Variants in THSD7A observed in about 807,000 individuals in gnomAD.
THSD7A encodes thrombospondin type 1 domain containing 7A, also known as thrombospondin type-1 domain-containing protein 7A.
Under a neutral mutation model 231.3 loss-of-function variants are expected in THSD7A, and 96 were observed. The observed-to-expected ratio is 0.41, with a 90% CI of 0.35 to 0.49. THSD7A has a LOEUF of 0.49. Among genes scored for constraint, THSD7A ranks in the 20% least tolerant of loss-of-function variants. THSD7A has a pLI of 0.05. For synonymous variants in THSD7A, 940 were observed against 743.3 expected, an observed-to-expected ratio of 1.26 and a Z score of -4.30; for missense variants, 2,290 against 2,070.2, an observed-to-expected ratio of 1.11 and a Z score of -2.06.
chr7:11,560,191 A>T (rs557967591), intron 4 of THSD7A, among the ~76,000 whole-genome samples: 1 of 152,326 alleles, frequency 6.6e-6, no homozygotes, highest in South Asian at 2.1e-4. Context: ...CCATTCATAT[A>T]AAGCTTTATT....
intron 6 of THSD7A, among the ~76,000 whole-genome samples, chr7:11,492,544 G>C (rs1786940245): frequency 6.6e-6 from 1 of 152,024 alleles, no homozygotes; most frequent in Admixed American, 6.6e-5. Flanking sequence ...ACAAGCACCA[G>C]TAAACACAGT....
chr7:11,744,413 C>A (rs964491609), intron 1 of THSD7A, among the ~76,000 whole-genome samples: 1 of 150,540 alleles, frequency 6.6e-6, no homozygotes. Context: ...TTTATGATAC[C>A]AGGTTTTTTT....
At chr7:11,423,069 TG>T (rs1433307439) in intron 16 of THSD7A, among the ~76,000 whole-genome samples, 3 of 152,192 alleles carry the variant, frequency 2.0e-5, no homozygotes, top group African/African-American at 7.2e-5. Flanking sequence ...TCTCTTTTTC[TG>T]TGTCCCTATC....
intron 4 of THSD7A, among the ~76,000 whole-genome samples, chr7:11,584,784 G>A (rs1438859826): frequency 6.6e-6 from 1 of 152,134 alleles, no homozygotes; most frequent in Non-Finnish European, 1.5e-5. Flanking sequence ...TGTGAATCTT[G>A]ACTCATGTCA....
At chr7:11,488,325 A>G (rs902530103) in intron 6 of THSD7A, among the ~76,000 whole-genome samples, 5 of 152,086 alleles carry the variant, frequency 3.3e-5, no homozygotes, top group Admixed American at 3.3e-4. Flanking sequence ...AGAATTAAAG[A>G]GGGAAAAAAT....
At position 11,396,816 on chromosome 7, in the gene THSD7A, A is replaced by G. The variant is rs1407648394; in HGVS notation, c.4411+4979T>C. 2.0e-5 allele frequency among the ~76,000 whole-genome samples: 3 copies of G among 151,956 alleles called. No individual in the cohort carries two copies. In the East Asian group the frequency reaches 5.8e-4, roughly 30 times the overall value. ...TCATCCCGATACCAAAACCTGGCAG[A>G]TACACAATAAAGAGAAACAAATTTC... On this transcript the variant is annotated intron_variant, in intron 23 of 27. Transcript: ENST00000423059.
At chr7:11,379,015 G>T in intron 26 of THSD7A, 55 bp downstream of exon 26, 3 of 1,543,372 alleles carry the variant, frequency 1.9e-6, no homozygotes, top group Admixed American at 1.8e-5. Context: ...TAATCCTTTG[G>T]CATTGCCTAA....
intron 9 of THSD7A, among the ~76,000 whole-genome samples, chr7:11,467,635 T>C (rs1785764162): frequency 2.0e-5 from 3 of 152,170 alleles, no homozygotes; most frequent in Admixed American, 2.0e-4. Context: ...TTAGATTTTT[T>C]ATTTTATAAA....
rs1782202312 is a variant in THSD7A at position 11,374,879 on chromosome 7, A to G, written c.*915T>C. The G allele has an allele frequency of 6.6e-6, 1 of 152,082 alleles. No homozygotes were observed. The highest frequency in any genetic ancestry group is 6.6e-5 in the Admixed American group (1 of 15,226). The allele number at this position is 152,082 out of a possible 1,614,324, so 9.4% of individuals were successfully genotyped here. ...ACTTTACTCTCTTCAGGATACAAGA[A>G]CTTGCAAATGTCTTCATGCCACTCT... On this transcript the variant is annotated 3_prime_UTR_variant, in exon 28 of 28. Coordinates refer to ENST00000423059, the MANE Select transcript of THSD7A (RefSeq NM_015204.3).
At chr7:11,668,851 C>A (rs545709000) in intron 1 of THSD7A, among the ~76,000 whole-genome samples, 23 of 152,110 alleles carry the variant, frequency 1.5e-4, no homozygotes, top group Non-Finnish European at 2.8e-4. Flanking sequence ...TGAGGCTGGG[C>A]GCTACTGGTT....
At chr7:11,701,934 C>G (rs1486055122) in intron 1 of THSD7A, among the ~76,000 whole-genome samples, 1 of 150,766 alleles carries the variant, frequency 6.6e-6, no homozygotes, top group East Asian at 2.0e-4. Flanking sequence ...CCTGAGCACA[C>G]TTTTTCCCCT....
At chr7:11,642,707 G>T (rs1343797807) in intron 1 of THSD7A, among the ~76,000 whole-genome samples, 1 of 152,080 alleles carries the variant, frequency 6.6e-6, no homozygotes, top group Non-Finnish European at 1.5e-5. Context: ...AACTTTAAAT[G>T]AATGCTACTT....
At chr7:11,619,256 G>C (rs965096595) in intron 2 of THSD7A, among the ~76,000 whole-genome samples, 1 of 152,052 alleles carries the variant, frequency 6.6e-6, no homozygotes, top group African/African-American at 2.4e-5. Flanking sequence ...GAAATGCCCA[G>C]ATGTGATTTA....
intron 1 of THSD7A, among the ~76,000 whole-genome samples, chr7:11,661,779 A>C (rs552643231): frequency 1.3e-5 from 2 of 151,446 alleles, no homozygotes; most frequent in South Asian, 4.1e-4. Flanking sequence ...ATCCCAGTGA[A>C]TATTGAATGC....
rs1782237943 is a variant in THSD7A at position 11,375,632 on chromosome 7, A to G, written c.*162T>C. On this transcript the variant is annotated 3_prime_UTR_variant, in exon 28 of 28. Transcript: ENST00000423059. ...CTGTATATAAGTGGTACTGTCTTAA[A>G]TATCTCCAGTGGCAGTATGATTTTC... is the stretch of plus-strand genomic sequence containing the variant. 1.7e-6 allele frequency: 1 copy of G among 600,518 alleles called. No homozygotes were observed. 37.2% of individuals were successfully genotyped at this position (600,518 alleles called of 1,614,324 possible).
chr7:11,796,371 T>C (rs972386273), intron 1 of THSD7A, among the ~76,000 whole-genome samples: 1 of 151,888 alleles, frequency 6.6e-6, no homozygotes, highest in Non-Finnish European at 1.5e-5. Context: ...GGCATTTCTT[T>C]TGTATGTACT....
intron 1 of THSD7A, among the ~76,000 whole-genome samples, chr7:11,671,869 G>A (rs981331805): frequency 6.6e-6 from 1 of 152,044 alleles, no homozygotes; most frequent in African/African-American, 2.4e-5. Flanking sequence ...GATTTCCAAA[G>A]GGAATAGGTG....
rs947266168 is a variant in THSD7A, at chr7:11,411,737, C to T, written c.3683-415G>A. ...ACTGTGTAGTTATATTCAGATAAAA[C>T]ATACATTTTATTTCTTATCCATATT... On this transcript the variant is annotated intron_variant, in intron 18 of 27. Transcript: ENST00000423059. This position sits in a 1 kb window ranked among gnomAD's most constrained non-coding sequence, Gnocchi z 4.1. Among the ~76,000 whole-genome samples the T allele has an allele frequency of 2.0e-5, 3 of 152,138 alleles. No individual in the cohort carries two copies. Among genetic ancestry groups the T allele is most frequent in the African/African-American group, 7.2e-5 (3 of 41,432 alleles).
chr7:11,820,215 G>T, intron 1 of THSD7A: 1 of 357,790 alleles, frequency 2.8e-6, no homozygotes, highest in Non-Finnish European at 5.2e-6. Flanking sequence ...GGTGGGGGTA[G>T]GATTTTTCAG....
Sources: gnomAD v4.1 joint callset for allele counts (sites outside exome capture counted in the v4.1 genomes callset) on GRCh38, gnomAD v4.1.1 for gene constraint, Gnocchi (gnomAD v3.1) non-coding constraint, MANE v1.5 for transcripts, NCBI Gene and HGNC (gene_info 2026-07-23, HGNC 2026-07-21) for gene names.